FRAS1: variants seen among roughly 807,000 people sequenced by gnomAD.
The protein encoded by FRAS1 is extracellular matrix organizing protein FRAS1.
Under a neutral mutation model 435.2 loss-of-function variants are expected in FRAS1, and 290 were observed. That is an observed-to-expected ratio of 0.67 (90% CI 0.61 to 0.73). The LOEUF is 0.73. Among genes scored for constraint, FRAS1 ranks in the 30% least tolerant of loss-of-function variants. FRAS1 has a pLI of 0.00. For synonymous variants in FRAS1, 1,800 were observed against 1,851.0 expected (o/e 0.97, Z 0.71); for missense variants, 4,860 against 5,001.5 (o/e 0.97, Z 0.85).
chr4:78,236,712 T>C (rs1724779437), intron 2 of FRAS1, among the ~76,000 whole-genome samples: 1 of 152,202 alleles, frequency 6.6e-6, no homozygotes. Context: ...GAAATGTGGA[T>C]TCAGCATGAG....
intron 30 of FRAS1, among the ~76,000 whole-genome samples, chr4:78,405,598 C>T (rs1250672011): frequency 2.6e-5 from 4 of 152,178 alleles, no homozygotes; most frequent in African/African-American, 9.7e-5. Flanking sequence ...TGAGTGTCTG[C>T]ATTGAGTAAG....
In FRAS1 at chr4:78,315,613, C is replaced by T. The variant is rs756096682; in HGVS notation, c.1698C>T (p.Asp566=). The change falls in exon 16 of 74, where the codon GAC becomes GAT. Residue 566 remains aspartate, a synonymous_variant. Coordinates refer to ENST00000512123, the MANE Select transcript of FRAS1 (RefSeq NM_025074.7). The part of the protein sequence containing the change: ...GTCSACDQSC[D]SCGPSSPRCL... ...CCTTAGCTTGTGACCAATCCTGTGA[C>T]AGTTGTGGCCCCAGTAGCCCCAGGT... 20 of 1,612,200 alleles carry T rather than the reference C, an allele frequency of 1.2e-5. No homozygotes were observed. The East Asian group carries it at 4.0e-4, about 32-fold the overall frequency.
chr4:78,542,019 G>A lies in FRAS1; in HGVS notation c.*895G>A, dbSNP rs1468850008. 2 of 152,184 alleles carry A rather than the reference G, an allele frequency of 1.3e-5. No homozygotes were observed. The highest frequency in any genetic ancestry group is 2.1e-4 in the South Asian group (1 of 4,830). The allele number at this position is 152,184 out of a possible 1,614,324, so 9.4% of individuals were successfully genotyped here. A position where few individuals can be genotyped will look rare whatever the true frequency, so the allele number is the denominator to read the frequency against. ...ACCCACCACACTTTCCTCCTACTCC[G>A]GTCTTTGCCCGTTCCTGTAACAGAC... On this transcript the variant is annotated 3_prime_UTR_variant, in exon 74 of 74. Coordinates refer to ENST00000512123, the MANE Select transcript of FRAS1 (RefSeq NM_025074.7).
intron 54 of FRAS1, among the ~76,000 whole-genome samples, chr4:78,476,955 G>C (rs2109855528): frequency 6.7e-6 from 1 of 148,658 alleles, no homozygotes; most frequent in South Asian, 2.2e-4. Flanking sequence ...CCATAGTCGT[G>C]GTTTCACTTG....
In FRAS1 at chr4:78,441,207, G is replaced by C; in HGVS notation, c.5575G>C (p.Ala1859Pro). 6.2e-7 allele frequency: 1 copy of C among 1,613,346 alleles called. No individual in the cohort carries two copies. The highest frequency in any genetic ancestry group is 8.5e-7 in the Non-Finnish European group (1 of 1,179,586). ...RAPLSFHHFF[A>P]TDDDDNLQRD... is the part of the protein sequence containing the mutation. ...ACCACTCTCATTTCACCATTTTTTT[G>C]CTACTGATGATGATGACAACCTCCA... The change falls in exon 41 of 74, where the codon GCT becomes CCT. Residue 1859 changes from alanine (A) to proline (P), a missense_variant. Coordinates refer to ENST00000512123, the MANE Select transcript of FRAS1 (RefSeq NM_025074.7).
intron 2 of FRAS1, among the ~76,000 whole-genome samples, chr4:78,184,841 T>G (rs945399174): frequency 1.3e-5 from 2 of 152,234 alleles, no homozygotes; most frequent in South Asian, 4.1e-4. Flanking sequence ...TGTTAACATC[T>G]GTGAAATCTC....
intron 59 of FRAS1, among the ~76,000 whole-genome samples, chr4:78,495,871 T>C (rs902947268): frequency 5.9e-5 from 9 of 152,142 alleles, no homozygotes; most frequent in African/African-American, 2.2e-4. Flanking sequence ...TATAAGGAAT[T>C]CTTATACAAA....
chr4:78,495,376 G>A (rs1720481841), intron 59 of FRAS1, among the ~76,000 whole-genome samples: 1 of 152,096 alleles, frequency 6.6e-6, no homozygotes, highest in East Asian at 1.9e-4. Context: ...TTGAAGTTTA[G>A]CATAAAACAT....
At chr4:78,242,240 C>G (rs1039068110) in intron 3 of FRAS1, among the ~76,000 whole-genome samples, 5 of 152,120 alleles carry the variant, frequency 3.3e-5, no homozygotes, top group Admixed American at 6.5e-5. Context: ...GTCACTTATC[C>G]AGAGCTAGGA....
intron 7 of FRAS1, among the ~76,000 whole-genome samples, chr4:78,265,913 A>C (rs1726330845): frequency 6.6e-6 from 1 of 152,186 alleles, no homozygotes; most frequent in Admixed American, 6.5e-5. Context: ...ATCTGAATGA[A>C]AATAACTAAT....
intron 60 of FRAS1, among the ~76,000 whole-genome samples, chr4:78,497,654 C>T (rs1156839349): frequency 1.3e-5 from 2 of 152,016 alleles, no homozygotes; most frequent in Non-Finnish European, 2.9e-5. Flanking sequence ...TTCTATATTA[C>T]GAATAAAGAA....
At chr4:78,081,042 G>C (rs1048084101) in intron 2 of FRAS1, among the ~76,000 whole-genome samples, 2 of 152,118 alleles carry the variant, frequency 1.3e-5, no homozygotes, top group African/African-American at 4.8e-5. Flanking sequence ...TTGGGGCCTA[G>C]GATCCCCCTG....
At chr4:78,130,663 G>C (rs984208304) in intron 2 of FRAS1, among the ~76,000 whole-genome samples, 1 of 152,142 alleles carries the variant, frequency 6.6e-6, no homozygotes, top group African/African-American at 2.4e-5. Flanking sequence ...AGGCACTAAG[G>C]ATTTGGGGAC....
intron 2 of FRAS1, among the ~76,000 whole-genome samples, chr4:78,084,405 G>GACTT (rs893771488): frequency 3.3e-5 from 5 of 152,052 alleles, no homozygotes; most frequent in Admixed American, 6.6e-5. Context: ...TGGTGGTTTT[G>GACTT]ACTTATTTAT....
chr4:78,096,307 G>A (rs1031423795), intron 2 of FRAS1, among the ~76,000 whole-genome samples: 3 of 152,180 alleles, frequency 2.0e-5, no homozygotes, highest in African/African-American at 7.2e-5. Context: ...TCATAGGCTG[G>A]CATTGAGTGT....
intron 18 of FRAS1, among the ~76,000 whole-genome samples, chr4:78,320,203 A>G (rs345510): frequency 0.042 from 6,443 of 152,240 alleles, 441 homozygotes; most frequent in African/African-American, 0.15. Context: ...GTTTCTACCC[A>G]TGTATGCATT....
Position 78,542,662 on chromosome 4 carries a change from T to G in FRAS1, c.*1538T>G, listed in dbSNP as rs543040705. On this transcript the variant is annotated 3_prime_UTR_variant, in exon 74 of 74. Coordinates refer to ENST00000512123, the MANE Select transcript of FRAS1 (RefSeq NM_025074.7). Reference sequence around the variant, plus strand: ...AAGGTTCTAGGCAGCTCTGTGAGACTCCAAGCTCCTTGAAAGTAGGACCTT... The same window carrying G: ...AAGGTTCTAGGCAGCTCTGTGAGACGCCAAGCTCCTTGAAAGTAGGACCTT... 2.6e-5 allele frequency: 4 copies of G among 152,784 alleles called. No homozygotes were observed. Among genetic ancestry groups the G allele is most frequent in the African/African-American group, 9.6e-5 (4 of 41,582 alleles). 9.5% of individuals were successfully genotyped at this position (152,784 alleles called of 1,614,324 possible).
intron 60 of FRAS1, among the ~76,000 whole-genome samples, chr4:78,497,229 G>A (rs910163790): frequency 2.0e-5 from 3 of 152,092 alleles, no homozygotes; most frequent in South Asian, 2.1e-4. Flanking sequence ...GAAATGCTAA[G>A]ACAGAGAATA....
In FRAS1 at chr4:78,308,153, G is replaced by C. The variant is rs777447173; in HGVS notation, c.1622G>C (p.Gly541Ala). 1 of 1,613,854 alleles carries C rather than the reference G, an allele frequency of 6.2e-7. No individual in the cohort carries two copies. Among genetic ancestry groups the C allele is most frequent in the Non-Finnish European group, 8.5e-7 (1 of 1,179,888 alleles). Residue 541 changes from glycine to alanine, a missense_variant, in exon 15 of 74, where the codon GGC (glycine) becomes GCC (alanine). By Grantham distance (60) the Gly-to-Ala change is moderately conservative. Coordinates refer to ENST00000512123, the MANE Select transcript of FRAS1 (RefSeq NM_025074.7). ...CRDPLHVLRD[G>A]GCESSCGKGF... is the part of the protein sequence containing the mutation. ...GATCCCCTCCACGTGCTGAGAGATG[G>C]CGGCTGTGAGAGCAGCTGTGGAAAA... is the stretch of plus-strand genomic sequence containing the variant.
Sources: allele counts gnomAD v4.1 joint callset (sites outside exome capture counted in the v4.1 genomes callset), GRCh38; gene constraint gnomAD v4.1.1; transcripts MANE v1.5; gene names NCBI Gene and HGNC (gene_info 2026-07-23, HGNC 2026-07-21).